CNTN4: variants seen among roughly 807,000 people sequenced by gnomAD.
CNTN4 encodes the protein contactin-4.
In CNTN4, 77 loss-of-function variants were observed where a neutral mutation model predicts 122.5. That is an observed-to-expected ratio of 0.63 (90% CI 0.52 to 0.76). The LOEUF (loss-of-function observed/expected upper bound fraction) is 0.76. Ranked by LOEUF, CNTN4 falls within the 30% of genes least tolerant of loss-of-function variation. The pLI is 0.00. For synonymous variants in CNTN4, 512 were observed against 447.0 expected (o/e 1.15, Z -1.83); for missense variants, 1,256 against 1,259.1 (o/e 1.00, Z 0.04).
At chr3:2,730,079 C>G (rs528472187) in intron 4 of CNTN4, among the ~76,000 whole-genome samples, 4 of 152,214 alleles carry the variant, frequency 2.6e-5, no homozygotes, top group African/African-American at 9.6e-5. Flanking sequence ...TTCAGTATCC[C>G]TTATCTAAAA....
chr3:2,548,022 T>C (rs912301423), intron 3 of CNTN4, among the ~76,000 whole-genome samples: 2 of 152,162 alleles, frequency 1.3e-5, no homozygotes, highest in Non-Finnish European at 2.9e-5. Flanking sequence ...TGTAAATTTG[T>C]TTAAGTTCCT....
chr3:2,244,257 C>T (rs969640494), intron 2 of CNTN4, among the ~76,000 whole-genome samples: 19 of 152,042 alleles, frequency 1.2e-4, no homozygotes, highest in African/African-American at 4.3e-4. Context: ...GTGTGTCTCT[C>T]TGTCATCTCA....
At chr3:2,667,111 T>G (rs917412606) in intron 4 of CNTN4, among the ~76,000 whole-genome samples, 1 of 152,142 alleles carries the variant, frequency 6.6e-6, no homozygotes, top group South Asian at 2.1e-4. Context: ...TACCTAGTAA[T>G]GGGATGGCTG....
chr3:2,457,652 G>T (rs890172478), intron 3 of CNTN4, among the ~76,000 whole-genome samples: 8 of 152,134 alleles, frequency 5.3e-5, no homozygotes, highest in Non-Finnish European at 7.4e-5. Flanking sequence ...AACCAGGGGA[G>T]ACTAAAACTC....
chr3:3,030,334 C>A (rs949309896), intron 15 of CNTN4, among the ~76,000 whole-genome samples: 1 of 152,190 alleles, frequency 6.6e-6, no homozygotes, highest in Admixed American at 6.6e-5. Context: ...CTAGGTGATG[C>A]GAGATTTCCT....
At chr3:2,295,356 G>T (rs74785919) in intron 2 of CNTN4, among the ~76,000 whole-genome samples, 131,527 of 131,584 alleles carry the variant, frequency 1, 65,740 homozygotes, top group Middle Eastern at 1. Context: ...CCTGACTTTT[G>T]AATGATCGCC....
intron 4 of CNTN4, among the ~76,000 whole-genome samples, chr3:2,591,660 G>A (rs879196814): frequency 3.9e-5 from 2 of 51,648 alleles, no homozygotes; most frequent in East Asian, 3.6e-4. Context: ...CACCGCGCCC[G>A]GCCGATTTGT....
intron 13 of CNTN4, among the ~76,000 whole-genome samples, chr3:2,970,657 G>T (rs1046326535): frequency 6.6e-6 from 1 of 152,008 alleles, no homozygotes; most frequent in Admixed American, 6.6e-5. Context: ...ATGTGCCCAG[G>T]CTGGTCTCAA....
intron 2 of CNTN4, among the ~76,000 whole-genome samples, chr3:2,152,758 T>C (rs1223560254): frequency 2.6e-5 from 4 of 152,278 alleles, no homozygotes; most frequent in South Asian, 4.1e-4. Flanking sequence ...GGCTTGGCAG[T>C]ACGACTGGCT....
intron 4 of CNTN4, among the ~76,000 whole-genome samples, chr3:2,637,276 A>AT (rs2082702196): frequency 1.3e-5 from 2 of 151,964 alleles, no homozygotes; most frequent in South Asian, 2.1e-4. Flanking sequence ...TGCTTAAACC[A>AT]TTTTTTTAAA....
At chr3:2,547,400 G>A (rs953830222) in intron 3 of CNTN4, among the ~76,000 whole-genome samples, 1 of 151,828 alleles carries the variant, frequency 6.6e-6, no homozygotes, top group African/African-American at 2.4e-5. Flanking sequence ...CTAGTAGCTG[G>A]GATTATAAGT....
chr3:2,417,215 A>G (rs2047448662), intron 3 of CNTN4, among the ~76,000 whole-genome samples: 1 of 152,218 alleles, frequency 6.6e-6, no homozygotes, highest in South Asian at 2.1e-4. Context: ...ATGATGAAAC[A>G]ATCCAGCAGT....
At chr3:2,680,682 T>C (rs2085117846) in intron 4 of CNTN4, among the ~76,000 whole-genome samples, 2 of 152,194 alleles carry the variant, frequency 1.3e-5, no homozygotes, top group South Asian at 4.1e-4. Context: ...TGAAAAACTA[T>C]GCATCCATTA....
intron 2 of CNTN4, among the ~76,000 whole-genome samples, chr3:2,125,872 A>T (rs1408637306): frequency 6.7e-6 from 1 of 149,400 alleles, no homozygotes; most frequent in Non-Finnish European, 1.5e-5. Context: ...GAAGATTTAT[A>T]AGTTGCTCAG....
Position 2,709,497 on chromosome 3 carries a change from G to T in CNTN4, c.56-26718G>T, listed in dbSNP as rs1394776141. ...TGAAACCTAATCCCCGCAATTACAG[G>T]GTTTTATATCGTTTGCCTCAGGCTA... is the stretch of plus-strand genomic sequence containing the variant. On this transcript the variant is annotated intron_variant, in intron 4 of 24. Transcript: ENST00000418658. This position sits in a 1 kb window ranked among gnomAD's most constrained non-coding sequence, Gnocchi z 5.0. Among the ~76,000 whole-genome samples, 2 of 151,984 alleles carry T rather than the reference G, an allele frequency of 1.3e-5. No individual in the cohort carries two copies. Among genetic ancestry groups the T allele is most frequent in the East Asian group, 1.9e-4 (1 of 5,176 alleles).
At position 2,670,957 on chromosome 3, in the gene CNTN4, G is replaced by C. The variant is rs1357405705; in HGVS notation, c.56-65258G>C. Among the ~76,000 whole-genome samples the C allele has an allele frequency of 6.6e-5, 10 of 152,344 alleles. No individual in the cohort carries two copies. The South Asian group carries it at 2.1e-3, about 32-fold the overall frequency. ...TTCTGGCTTGTAGTTTCTGCGGAGA[G>C]ATCAGCTGTTAGTCTGATGGGCTTC... On this transcript the variant is annotated intron_variant, in intron 4 of 24. Transcript: ENST00000418658.
intron 2 of CNTN4, among the ~76,000 whole-genome samples, chr3:2,239,798 C>T (rs2039860595): frequency 6.6e-6 from 1 of 152,068 alleles, no homozygotes; most frequent in Non-Finnish European, 1.5e-5. Context: ...ATTTGGTCAC[C>T]AGTGTTCTTG....
chr3:2,531,095 T>C (rs2077579395), intron 3 of CNTN4, among the ~76,000 whole-genome samples: 1 of 152,108 alleles, frequency 6.6e-6, no homozygotes, highest in African/African-American at 2.4e-5. Context: ...AAGAACCTCC[T>C]AAAAAAGAGT....
intron 4 of CNTN4, among the ~76,000 whole-genome samples, chr3:2,727,666 A>G (rs1022249593): frequency 9.2e-5 from 14 of 152,170 alleles, no homozygotes; most frequent in Non-Finnish European, 1.8e-4. Context: ...CACTGTTTCT[A>G]AGATCTGGCA....
Sources: gnomAD v4.1 joint callset for allele counts (sites outside exome capture counted in the v4.1 genomes callset) on GRCh38, gnomAD v4.1.1 for gene constraint, Gnocchi (gnomAD v3.1) non-coding constraint, MANE v1.5 for transcripts, NCBI Gene and HGNC (gene_info 2026-07-23, HGNC 2026-07-21) for gene names.